Variants in TPRG1 observed in about 807,000 individuals in gnomAD.
The protein encoded by TPRG1 is tumor protein p63 regulated 1.
A neutral mutation model predicts 29.3 loss-of-function variants in TPRG1; 29 were observed. The observed-to-expected ratio is 0.99, with a 90% CI of 0.74 to 1.35. The LOEUF is 1.35. Ranked by LOEUF, TPRG1 falls within the 40% of genes most tolerant of loss-of-function variation. TPRG1 has a pLI of 0.00. For missense variants in TPRG1, 327 were observed against 335.0 expected (o/e 0.98, Z 0.19); for synonymous variants, 130 against 116.8 (o/e 1.11, Z -0.73).
chr3:189,220,112 AT>A (rs1736724693), intron 3 of TPRG1, among the ~76,000 whole-genome samples: 1 of 152,082 alleles, frequency 6.6e-6, no homozygotes, highest in Non-Finnish European at 1.5e-5. Context: ...AATTTTTTTA[AT>A]TGGTGAATTT....
chr3:189,043,101 T>C (rs180835854), intron 4 of TPRG1, among the ~76,000 whole-genome samples: 2 of 152,314 alleles, frequency 1.3e-5, no homozygotes, highest in Non-Finnish European at 2.9e-5. Context: ...TCACCTTGTT[T>C]CACAAGGTCA....
chr3:189,315,568 C>A lies in TPRG1; in HGVS notation c.633+5029C>A, dbSNP rs934502428. 1.6e-5 allele frequency: 7 copies of A among 447,468 alleles called. No homozygotes were observed. In the East Asian group the frequency reaches 2.1e-4, roughly 14 times the overall value. 27.7% of individuals were successfully genotyped at this position (447,468 alleles called of 1,614,324 possible). A position where few individuals can be genotyped will look rare whatever the true frequency, so the allele number is the denominator to read the frequency against. On this transcript the variant is annotated intron_variant, in intron 5 of 5. Transcript: ENST00000345063. ...AATAGCAGTGAACGCATTATGTGTG[C>A]CCTACAACCATCATGATCTACAGAC... is the stretch of plus-strand genomic sequence containing the variant.
chr3:189,294,803 T>TCACACACAC (rs1719613353), intron 4 of TPRG1, among the ~76,000 whole-genome samples: 2 of 150,064 alleles, frequency 1.3e-5, no homozygotes, highest in South Asian at 2.1e-4. Flanking sequence ...CCCTTACAGT[T>TCACACACAC]ACACACACAC....
At chr3:189,226,385 C>A (rs1000659501) in intron 3 of TPRG1, among the ~76,000 whole-genome samples, 1 of 151,974 alleles carries the variant, frequency 6.6e-6, no homozygotes, top group Non-Finnish European at 1.5e-5. Context: ...AGAAAAATGT[C>A]CAAACACTCG....
At position 189,032,201 on chromosome 3, in the gene TPRG1, G is replaced by T. The variant is rs956280972; in HGVS notation, c.-463+8255G>T. 5.9e-5 allele frequency among the ~76,000 whole-genome samples: 9 copies of T among 152,220 alleles called. No homozygotes were observed. The South Asian group carries it at 1.5e-3, about 25-fold the overall frequency. ...TCTTCACATGAGAGAGGGAGGAGGC[G>T]CAGAGTCAGAAAAGAAAATGTGATG... is the stretch of plus-strand genomic sequence containing the variant. On this transcript the variant is annotated intron_variant, in intron 4 of 10. Transcript: ENST00000433971.
At chr3:189,194,746 G>A (rs959913502) in intron 1 of TPRG1, among the ~76,000 whole-genome samples, 14 of 152,182 alleles carry the variant, frequency 9.2e-5, no homozygotes, top group African/African-American at 3.4e-4. Flanking sequence ...GAGATACTGT[G>A]TAGTAGTAGC....
intron 4 of TPRG1, among the ~76,000 whole-genome samples, chr3:189,279,310 G>T (rs973976088): frequency 2.0e-5 from 3 of 152,100 alleles, no homozygotes; most frequent in African/African-American, 7.2e-5. Flanking sequence ...AACTTTCTAT[G>T]CATGATTCAG....
intron 4 of TPRG1, among the ~76,000 whole-genome samples, chr3:189,033,268 C>G (rs905293949): frequency 6.6e-6 from 1 of 150,920 alleles, no homozygotes; most frequent in Non-Finnish European, 1.5e-5. Context: ...TACGCAGAGT[C>G]ATTATTCCTT....
At position 189,090,473 on chromosome 3, in the gene TPRG1, C is replaced by T. The variant is rs373282768; in HGVS notation, c.-462-36584C>T. ...CAGATCTGTATTTGCTTTTGATCTA[C>T]TTAGGATGACGATTATTGAGAAAGA... On this transcript the variant is annotated intron_variant, in intron 4 of 10. Coordinates refer to the TPRG1 transcript ENST00000433971. 7.2e-5 allele frequency among the ~76,000 whole-genome samples: 11 copies of T among 152,086 alleles called. No individual in the cohort carries two copies. The East Asian group carries it at 1.3e-3, about 19-fold the overall frequency.
chr3:189,287,665 G>A (rs1036537669), intron 4 of TPRG1, among the ~76,000 whole-genome samples: 1 of 152,160 alleles, frequency 6.6e-6, no homozygotes, highest in African/African-American at 2.4e-5. Flanking sequence ...CCAAAGTGCT[G>A]GGATTACAGG....
chr3:189,168,653 A>G (rs1393731613), upstream of TPRG1, among the ~76,000 whole-genome samples: 1 of 152,152 alleles, frequency 6.6e-6, no homozygotes, highest in Non-Finnish European at 1.5e-5. Context: ...TACTATTGGA[A>G]CGCAAGAGAA....
At chr3:189,191,973 T>C (rs1731763007) in intron 1 of TPRG1, among the ~76,000 whole-genome samples, 1 of 152,170 alleles carries the variant, frequency 6.6e-6, no homozygotes, top group South Asian at 2.1e-4. Context: ...ACATTATAAC[T>C]GAACACACTG....
At chr3:189,096,487 A>G (rs1293688694), upstream of TPRG1, among the ~76,000 whole-genome samples, 1 of 152,146 alleles carries the variant, frequency 6.6e-6, no homozygotes, top group Non-Finnish European at 1.5e-5. Context: ...GATTCCTCAT[A>G]GTGTCTGATA....
chr3:189,048,236 T>C (rs1382742224), intron 4 of TPRG1, among the ~76,000 whole-genome samples: 1 of 152,220 alleles, frequency 6.6e-6, no homozygotes, highest in African/African-American at 2.4e-5. Flanking sequence ...CCATCAGAGC[T>C]CTTGGATGCC....
At chr3:189,291,495 A>G (rs1718994168) in intron 4 of TPRG1, among the ~76,000 whole-genome samples, 1 of 152,198 alleles carries the variant, frequency 6.6e-6, no homozygotes, top group Non-Finnish European at 1.5e-5. Flanking sequence ...GCCAAAGAGA[A>G]TAAGTATTAG....
intron 3 of TPRG1, among the ~76,000 whole-genome samples, chr3:189,223,867 TTAG>T (rs1249224398): frequency 1.3e-5 from 2 of 152,168 alleles, no homozygotes; most frequent in African/African-American, 4.8e-5. Flanking sequence ...ATTATTATTA[TTAG>T]TAGTAATATT....
At chr3:189,224,733 C>T (rs1170656646) in intron 3 of TPRG1, among the ~76,000 whole-genome samples, 5 of 152,100 alleles carry the variant, frequency 3.3e-5, no homozygotes, top group African/African-American at 7.2e-5. Context: ...TAGGCCATTT[C>T]CACTCTGGTC....
At chr3:188,997,988 T>TCATG (rs772349230) in intron 1 of TPRG1, among the ~76,000 whole-genome samples, 3 of 152,028 alleles carry the variant, frequency 2.0e-5, no homozygotes, top group Non-Finnish European at 4.4e-5. Context: ...AAATTCACAT[T>TCATG]CATTCATTCA....
intron 3 of TPRG1, among the ~76,000 whole-genome samples, chr3:189,224,258 G>A (rs954736448): frequency 3.9e-5 from 6 of 152,198 alleles, no homozygotes; most frequent in African/African-American, 1.4e-4. Context: ...GAAAGCGGGT[G>A]GATCACGAGG....
Sources: gnomAD v4.1 joint callset for allele counts (sites outside exome capture counted in the v4.1 genomes callset) on GRCh38, gnomAD v4.1.1 for gene constraint, MANE v1.5 for transcripts, NCBI Gene and HGNC (gene_info 2026-07-23, HGNC 2026-07-21) for gene names.